CDIN1: variants seen among roughly 807,000 people sequenced by gnomAD.
CDIN1 encodes the protein CDAN1 interacting nuclease 1, also known as CDAN1-interacting nuclease 1.
CDIN1 carries 33 observed loss-of-function variants against 45.3 expected under a neutral mutation model. The observed-to-expected ratio is 0.73, with a 90% CI of 0.55 to 0.97. CDIN1 has a LOEUF of 0.97. Ranked by LOEUF, CDIN1 falls within the 50% of genes least tolerant of loss-of-function variation. The probability of loss-of-function intolerance (pLI) is 0.00; values close to 1 mark genes in which losing one functional copy is unlikely to be tolerated. For synonymous variants in CDIN1, 118 were observed against 124.4 expected (o/e 0.95, Z 0.34); for missense variants, 303 against 339.4 (o/e 0.89, Z 0.84).
chr15:36,676,833 T>C (rs1028396947), intron 5 of CDIN1, among the ~76,000 whole-genome samples: 1 of 152,134 alleles, frequency 6.6e-6, no homozygotes, highest in Admixed American at 6.6e-5. Context: ...ATTGCTAATA[T>C]ATGAATTGGA....
At chr15:36,751,040 G>T (rs773779412) in intron 10 of CDIN1, among the ~76,000 whole-genome samples, 4 of 151,588 alleles carry the variant, frequency 2.6e-5, no homozygotes, top group Non-Finnish European at 5.9e-5. Context: ...TAAAATAAAT[G>T]AACAACCTTC....
chr15:36,727,170 C>T (rs1024816469), intron 10 of CDIN1, among the ~76,000 whole-genome samples: 4 of 151,998 alleles, frequency 2.6e-5, no homozygotes, highest in African/African-American at 7.2e-5. Flanking sequence ...TGTCACTAAT[C>T]ATGCTGTTTT....
intron 10 of CDIN1, among the ~76,000 whole-genome samples, chr15:36,800,895 G>GTATATA (rs1566984191): frequency 3.7e-5 from 1 of 27,326 alleles, no homozygotes; most frequent in African/African-American, 1.1e-4. Flanking sequence ...GTGTGTGTGT[G>GTATATA]TGTGTGTGTG....
intron 1 of CDIN1, among the ~76,000 whole-genome samples, chr15:36,593,369 G>T (rs1205936870): frequency 6.6e-6 from 1 of 152,146 alleles, no homozygotes; most frequent in Non-Finnish European, 1.5e-5. Flanking sequence ...ACTTGAGTGA[G>T]TACCAGGTTT....
chr15:36,758,585 A>G (rs532061087), intron 10 of CDIN1, among the ~76,000 whole-genome samples: 1 of 152,228 alleles, frequency 6.6e-6, no homozygotes, highest in East Asian at 1.9e-4. Context: ...TTTCTTCACC[A>G]CCATCACTCC....
chr15:36,601,734 C>A (rs1437597054), intron 1 of CDIN1, among the ~76,000 whole-genome samples: 1 of 152,198 alleles, frequency 6.6e-6, no homozygotes, highest in African/African-American at 2.4e-5. Context: ...TTCTCTGGGA[C>A]TGGAATTCCT....
chr15:36,603,223 T>G (rs1317250915), intron 1 of CDIN1, among the ~76,000 whole-genome samples: 1 of 152,168 alleles, frequency 6.6e-6, no homozygotes, highest in Non-Finnish European at 1.5e-5. Context: ...GCTCCCCAAA[T>G]GTAGACTGAC....
intron 10 of CDIN1, among the ~76,000 whole-genome samples, chr15:36,756,261 T>C (rs2140984633): frequency 6.6e-6 from 1 of 152,330 alleles, no homozygotes; most frequent in Non-Finnish European, 1.5e-5. Flanking sequence ...CATTTGGCAG[T>C]AGGTTTTTGT....
intron 10 of CDIN1, among the ~76,000 whole-genome samples, chr15:36,775,142 CT>C (rs1296099734): frequency 6.6e-6 from 1 of 152,168 alleles, no homozygotes; most frequent in Admixed American, 6.5e-5. Context: ...CATGAAATAA[CT>C]TACCAAACTT....
At chr15:36,618,972 C>T (rs1286247307) in intron 1 of CDIN1, 3 of 1,542,862 alleles carry the variant, frequency 1.9e-6, no homozygotes, top group Non-Finnish European at 2.6e-6. Flanking sequence ...GCCAGAAGCC[C>T]CCTAAAGAGC....
intron 5 of CDIN1, among the ~76,000 whole-genome samples, chr15:36,670,052 A>G (rs2041390724): frequency 6.6e-6 from 1 of 151,964 alleles, no homozygotes; most frequent in South Asian, 2.1e-4. Context: ...GTGGAGAGAT[A>G]TTATTTGGGT....
chr15:36,697,341 T>C lies in CDIN1; in HGVS notation c.495T>C (p.His165=), dbSNP rs779439290. The change falls in exon 8 of 11, where the codon CAT becomes CAC. Residue 165 remains histidine, a synonymous_variant. Transcript: ENST00000566621. The part of the protein sequence containing the change: ...DCIKHAIGHE[H]EVLLRDLLLE... ...TTCCCAGTGCCATTGGTCATGAGCA[T>C]GAGGTCCTGCTGAGAGACTTGCTTC... 1 of 1,610,942 alleles carries C rather than the reference T, an allele frequency of 6.2e-7. No homozygotes were observed. The highest frequency in any genetic ancestry group is 1.1e-5 in the South Asian group (1 of 90,822).
intron 5 of CDIN1, among the ~76,000 whole-genome samples, chr15:36,685,592 CA>C (rs1460184192): frequency 6.6e-6 from 1 of 151,376 alleles, no homozygotes; most frequent in Non-Finnish European, 1.5e-5. Context: ...TTCTGTACAG[CA>C]AAAGAAACTA....
chr15:36,620,800 A>AT (rs1034227802), intron 1 of CDIN1, among the ~76,000 whole-genome samples: 1 of 136,916 alleles, frequency 7.3e-6, no homozygotes, highest in Non-Finnish European at 1.6e-5. Flanking sequence ...TAAAGGCTTA[A>AT]TTTTGGGGGG....
chr15:36,685,177 G>A (rs1158576104), intron 5 of CDIN1, among the ~76,000 whole-genome samples: 1 of 149,756 alleles, frequency 6.7e-6, no homozygotes, highest in Non-Finnish European at 1.5e-5. Context: ...ATGTTAGGGT[G>A]TCAATTTTGG....
intron 1 of CDIN1, among the ~76,000 whole-genome samples, chr15:36,595,830 A>G (rs954179899): frequency 6.6e-6 from 1 of 152,234 alleles, no homozygotes; most frequent in Admixed American, 6.5e-5. Flanking sequence ...CACACAAGGG[A>G]AGATATTGCT....
At chr15:36,681,787 A>G (rs1283349341) in intron 5 of CDIN1, among the ~76,000 whole-genome samples, 2 of 152,142 alleles carry the variant, frequency 1.3e-5, no homozygotes, top group Non-Finnish European at 2.9e-5. Context: ...ATTGTATACT[A>G]TGTTTTATTA....
intron 4 of CDIN1, among the ~76,000 whole-genome samples, chr15:36,657,443 G>A (rs1019407178): frequency 3.3e-5 from 5 of 152,056 alleles, no homozygotes; most frequent in Non-Finnish European, 5.9e-5. Flanking sequence ...ATTTGAAATT[G>A]CATTCAGAAC....
rs573323566 is a variant in CDIN1 at position 36,676,245 on chromosome 15, A to AAAGTTTAG, written c.347-15439_347-15432dup. ...ATCCCTCTCCTACAATTTAAGATAT[A>AAAGTTTAG]AAGTTTAGGTTGTTCTTTCCCGTTA... On this transcript the variant is annotated intron_variant, in intron 5 of 10. Transcript: ENST00000566621. Among the ~76,000 whole-genome samples, 101 of 152,244 alleles carry AAAGTTTAG rather than the reference A, an allele frequency of 6.6e-4. 1 individual carries two copies. In the East Asian group the frequency reaches 0.011, roughly 17 times the overall value.
Sources: gnomAD v4.1 joint callset for allele counts (sites outside exome capture counted in the v4.1 genomes callset) on GRCh38, gnomAD v4.1.1 for gene constraint, MANE v1.5 for transcripts, NCBI Gene and HGNC (gene_info 2026-07-23, HGNC 2026-07-21) for gene names.